Variants in RIMS2 observed in about 807,000 individuals in gnomAD.
The protein encoded by RIMS2 is regulating synaptic membrane exocytosis protein 2.
A neutral mutation model predicts 174.4 loss-of-function variants in RIMS2; 59 were observed. That is an observed-to-expected ratio of 0.34 (90% CI 0.27 to 0.42). The LOEUF (loss-of-function observed/expected upper bound fraction) is 0.42. Among genes scored for constraint, RIMS2 ranks in the 10% least tolerant of loss-of-function variants. The pLI is 1.00. For synonymous variants in RIMS2, 606 were observed against 572.5 expected, an observed-to-expected ratio of 1.06 and a Z score of -0.84; for missense variants, 1,620 against 1,666.3, an observed-to-expected ratio of 0.97 and a Z score of 0.48.
intron 19 of RIMS2, among the ~76,000 whole-genome samples, chr8:104,024,223 C>G (rs530340426): frequency 2.6e-5 from 4 of 152,292 alleles, no homozygotes; most frequent in Non-Finnish European, 5.9e-5. Flanking sequence ...TGCCACTTGG[C>G]TGTGTAATGC....
At chr8:103,915,831 T>C (rs2076538120) in intron 7 of RIMS2, among the ~76,000 whole-genome samples, 1 of 151,988 alleles carries the variant, frequency 6.6e-6, no homozygotes, top group Non-Finnish European at 1.5e-5. Context: ...CTGTATCTAA[T>C]ATTAACCTGT....
intron 4 of RIMS2, among the ~76,000 whole-genome samples, chr8:103,899,799 C>G (rs967446754): frequency 6.6e-5 from 10 of 151,730 alleles, no homozygotes; most frequent in African/African-American, 2.4e-4. Context: ...TTGCCCATGC[C>G]TATGTCCTGA....
intron 19 of RIMS2, among the ~76,000 whole-genome samples, chr8:104,242,937 A>T (rs890709429): frequency 3.6e-4 from 55 of 152,208 alleles, no homozygotes; most frequent in Non-Finnish European, 8.8e-5. Flanking sequence ...TATTTGGCTC[A>T]TATGAGTATC....
At chr8:103,613,513 C>G (rs888947267) in intron 1 of RIMS2, among the ~76,000 whole-genome samples, 2 of 152,236 alleles carry the variant, frequency 1.3e-5, no homozygotes, top group African/African-American at 4.8e-5. Context: ...AGCCTGGGCT[C>G]AGGGACCTCA....
intron 3 of RIMS2, among the ~76,000 whole-genome samples, chr8:103,780,896 T>C (rs899727554): frequency 6.6e-6 from 1 of 152,206 alleles, no homozygotes; most frequent in Admixed American, 6.5e-5. Context: ...TTAGAGATTC[T>C]TTTTAGTTTA....
intron 3 of RIMS2, among the ~76,000 whole-genome samples, chr8:103,798,215 A>G (rs1487139779): frequency 1.3e-5 from 2 of 152,202 alleles, no homozygotes; most frequent in East Asian, 3.8e-4. Flanking sequence ...TTATATAAAC[A>G]TAAATATTTG....
At chr8:103,884,638 A>C (rs1236519319) in intron 3 of RIMS2, among the ~76,000 whole-genome samples, 2 of 151,918 alleles carry the variant, frequency 1.3e-5, no homozygotes, top group Non-Finnish European at 2.9e-5. Context: ...ATGGAATAAA[A>C]ATAGCAGTTT....
At chr8:103,818,118 T>A (rs1339447871) in intron 3 of RIMS2, among the ~76,000 whole-genome samples, 1 of 152,118 alleles carries the variant, frequency 6.6e-6, no homozygotes, top group Non-Finnish European at 1.5e-5. Flanking sequence ...TTATTACATG[T>A]TTAATTTGTG....
intron 19 of RIMS2, among the ~76,000 whole-genome samples, chr8:104,066,120 A>G (rs2097101761): frequency 6.6e-6 from 1 of 152,174 alleles, no homozygotes; most frequent in African/African-American, 2.4e-5. Context: ...TTATATATGC[A>G]TTGTCTGCAG....
chr8:104,051,619 A>G (rs1030661291), intron 19 of RIMS2, among the ~76,000 whole-genome samples: 3 of 152,132 alleles, frequency 2.0e-5, no homozygotes, highest in African/African-American at 7.2e-5. Flanking sequence ...AAGGAAGGAA[A>G]GATGCTGGAA....
At chr8:103,544,941 G>A (rs1334923834) in intron 1 of RIMS2, among the ~76,000 whole-genome samples, 5 of 152,106 alleles carry the variant, frequency 3.3e-5, no homozygotes, top group Non-Finnish European at 7.3e-5. Context: ...GCCCACACAT[G>A]TGAAAAAACC....
At chr8:103,648,657 T>G (rs2096391035) in intron 1 of RIMS2, among the ~76,000 whole-genome samples, 1 of 152,230 alleles carries the variant, frequency 6.6e-6, no homozygotes, top group African/African-American at 2.4e-5. Flanking sequence ...GAGAATTAGC[T>G]CTTCTTGTTG....
At chr8:103,915,729 T>C (rs2076520517) in intron 7 of RIMS2, 135 bp downstream of exon 10, 1 of 444,882 alleles carries the variant, frequency 2.2e-6, no homozygotes, top group South Asian at 5.9e-5. Flanking sequence ...TATTCATTAA[T>C]GGAAAGGCAA....
chr8:104,222,435 A>C (rs1245437486), intron 19 of RIMS2, among the ~76,000 whole-genome samples: 1 of 152,206 alleles, frequency 6.6e-6, no homozygotes, highest in East Asian at 1.9e-4. Flanking sequence ...CATAATTTAC[A>C]TTTTACGTTG....
intron 19 of RIMS2, among the ~76,000 whole-genome samples, chr8:104,213,274 G>A (rs1424647640): frequency 6.6e-6 from 1 of 152,136 alleles, no homozygotes. Flanking sequence ...TCATGCCCCT[G>A]CACTCCAGCC....
chr8:103,743,320 G>A (rs999848483), intron 2 of RIMS2, among the ~76,000 whole-genome samples: 4 of 151,962 alleles, frequency 2.6e-5, no homozygotes, highest in Admixed American at 6.6e-5. Flanking sequence ...GAGATCTATT[G>A]GGAAACTAAG....
At position 103,716,007 on chromosome 8, in the gene RIMS2, A is replaced by G. The variant is rs1202151312; in HGVS notation, c.387+18711A>G. ...TAGGAAGAGTATTCTTTTTTTCCCA[A>G]TGTTTGGATGTTTAATTGCTGTTAT... On this transcript the variant is annotated intron_variant, in intron 2 of 23. Coordinates refer to ENST00000504942, the Ensembl canonical transcript of RIMS2. 2.6e-5 allele frequency among the ~76,000 whole-genome samples: 4 copies of G among 151,804 alleles called. No homozygotes were observed. The East Asian group carries it at 7.7e-4, about 29-fold the overall frequency.
chr8:104,075,350 C>T (rs1566201448), intron 19 of RIMS2, among the ~76,000 whole-genome samples: 1 of 152,174 alleles, frequency 6.6e-6, no homozygotes, highest in Non-Finnish European at 1.5e-5. Flanking sequence ...ATGAATGAAG[C>T]ATTCTTCTTT....
intron 1 of RIMS2, among the ~76,000 whole-genome samples, chr8:103,554,603 C>T (rs745640011): frequency 4.3e-4 from 65 of 151,984 alleles, no homozygotes; most frequent in Non-Finnish European, 7.1e-4. Flanking sequence ...AAATTAGTTC[C>T]GCCATTATGG....
Sources: gnomAD v4.1 joint callset for allele counts (sites outside exome capture counted in the v4.1 genomes callset) on GRCh38, gnomAD v4.1.1 for gene constraint, MANE v1.5 for transcripts, NCBI Gene and HGNC (gene_info 2026-07-23, HGNC 2026-07-21) for gene names.